The following DSG2 variants were observed in gnomAD, a reference collection of about 807,000 sequenced individuals.
DSG2 encodes desmoglein 2, also known as desmoglein-2.
DSG2 carries 45 observed loss-of-function variants against 75.6 expected under a neutral mutation model. The ratio of observed to expected loss-of-function variants is 0.60; its 90% CI spans 0.47 to 0.76. The LOEUF (loss-of-function observed/expected upper bound fraction) is 0.76, where lower values mean the gene tolerates loss of function less well. Ranked by LOEUF, DSG2 falls within the 30% of genes least tolerant of loss-of-function variation. The pLI, the probability that DSG2 is intolerant of heterozygous loss-of-function variation, is 0.00. For missense variants in DSG2, 1,267 were observed against 1,357.4 expected, an observed-to-expected ratio of 0.93 and a Z score of 1.05; for synonymous variants, 429 against 483.9, an observed-to-expected ratio of 0.89 and a Z score of 1.49.
Position 31,542,869 on chromosome 18 carries a change from T to G in DSG2, c.2334+17T>G. 1.5e-6 allele frequency: 2 copies of G among 1,294,928 alleles called. No individual in the cohort carries two copies. The highest frequency in any genetic ancestry group is 2.1e-6 in the Non-Finnish European group (2 of 968,438). The allele number at this position is 1,294,928 out of a possible 1,614,324, so 80.2% of individuals were successfully genotyped here. On this transcript the variant is annotated intron_variant, in intron 14 of 14. Coordinates refer to ENST00000261590, the MANE Select transcript of DSG2 (RefSeq NM_001943.5). Reference sequence around the variant, plus strand: ...TTCACTGATGTAAGGATGAGTTTTATGTATTGGTGGTGGGGGGTGGGGGGA... The same window carrying G: ...TTCACTGATGTAAGGATGAGTTTTAGGTATTGGTGGTGGGGGGTGGGGGGA...
rs868680639 is a variant in DSG2, at chr18:31,513,088, T to G, written c.46-5151T>G. Among the ~76,000 whole-genome samples the G allele has an allele frequency of 8.5e-5, 13 of 152,322 alleles. 1 individual carries two copies. Among genetic ancestry groups the G allele is most frequent in the Middle Eastern group, 6.8e-3 (2 of 294 alleles). On this transcript the variant is annotated intron_variant, in intron 1 of 14. Coordinates refer to ENST00000261590, the MANE Select transcript of DSG2 (RefSeq NM_001943.5). Reference sequence around the variant, plus strand: ...TTGCACATCAGCCCTGCAAAATGGATGTATCCTAGTTAGGTGGCTTTCAGA... The same window carrying G: ...TTGCACATCAGCCCTGCAAAATGGAGGTATCCTAGTTAGGTGGCTTTCAGA...
intron 3 of DSG2, 33 bp from the exon 4 acceptor site, chr18:31,520,769 TC>T: frequency 6.2e-7 from 1 of 1,609,940 alleles, no homozygotes; most frequent in Non-Finnish European, 8.5e-7. Context: ...TACAGAGAGT[TC>T]AACCTGAAAC....
chr18:31,539,890 G>T (rs937800005), intron 12 of DSG2, among the ~76,000 whole-genome samples: 12 of 152,148 alleles, frequency 7.9e-5, no homozygotes, highest in African/African-American at 2.9e-4. Context: ...TGTTAGACCA[G>T]TGCTGGCATT....
At position 31,498,297 on chromosome 18, in the gene DSG2, G is replaced by GT; in HGVS notation, c.45+2dup. The GT allele has an allele frequency of 7.9e-7, 1 of 1,264,172 alleles. No homozygotes were observed. Among genetic ancestry groups the GT allele is most frequent in the Non-Finnish European group, 1.0e-6 (1 of 999,026 alleles). The allele number at this position is 1,264,172 out of a possible 1,614,324, so 78.3% of individuals were successfully genotyped here. A position where few individuals can be genotyped will look rare whatever the true frequency, so the allele number is the denominator to read the frequency against. ...CGCGTACGCCCTGCTGCTTCTCCTG[G>GT]TAAGTGCCGCAAGCGGGACAGGGGA... On this transcript the variant is annotated splice_donor_variant, in intron 1 of 14. Transcript: ENST00000261590. LOFTEE classifies it high-confidence loss of function.
At position 31,542,861 on chromosome 18, in the gene DSG2, G is replaced by A. The variant is rs776516070; in HGVS notation, c.2334+9G>A. 45 of 1,123,480 alleles carry A rather than the reference G, an allele frequency of 4.0e-5. No individual in the cohort carries two copies. The Admixed American group carries it at 1.1e-3, about 27-fold the overall frequency. The allele number at this position is 1,123,480 out of a possible 1,614,324, so 69.6% of individuals were successfully genotyped here. On this transcript the variant is annotated intron_variant, in intron 14 of 14. Coordinates refer to ENST00000261590, the MANE Select transcript of DSG2 (RefSeq NM_001943.5). ...GAAATTATTTCACTGATGTAAGGAT[G>A]AGTTTTATGTATTGGTGGTGGGGGG...
chr18:31,544,202 A>T (rs559163358), intron 14 of DSG2, among the ~76,000 whole-genome samples: 70 of 152,308 alleles, frequency 4.6e-4, no homozygotes, highest in African/African-American at 1.7e-3. Flanking sequence ...ACTCTATGCA[A>T]CAGAAGCAGA....
intron 14 of DSG2, among the ~76,000 whole-genome samples, chr18:31,543,749 C>T (rs1226105482): frequency 6.6e-6 from 1 of 151,726 alleles, no homozygotes; most frequent in Non-Finnish European, 1.5e-5. Flanking sequence ...ACCTGTAGTC[C>T]CAGCTACTCA....
intron 8 of DSG2, among the ~76,000 whole-genome samples, chr18:31,530,765 A>C (rs935014036): frequency 2.0e-5 from 3 of 152,120 alleles, no homozygotes; most frequent in African/African-American, 7.2e-5. Context: ...TAGGAAAATA[A>C]ATTGGTAATA....
chr18:31,501,502 T>A (rs1162446291), intron 1 of DSG2, among the ~76,000 whole-genome samples: 2 of 152,226 alleles, frequency 1.3e-5, no homozygotes, highest in Non-Finnish European at 2.9e-5. Flanking sequence ...AAAATCAAGA[T>A]ATGGGCAGGG....
At chr18:31,523,173 G>A (rs1268578302) in intron 6 of DSG2, among the ~76,000 whole-genome samples, 1 of 151,972 alleles carries the variant, frequency 6.6e-6, no homozygotes, top group Non-Finnish European at 1.5e-5. Context: ...AGGCTGAGGC[G>A]GGCAGATCAC....
At chr18:31,505,272 G>C (rs990989800) in intron 1 of DSG2, among the ~76,000 whole-genome samples, 3 of 152,148 alleles carry the variant, frequency 2.0e-5, no homozygotes. Context: ...CCTTCCTCCT[G>C]TATGCACAGA....
At chr18:31,523,359 C>G (rs2073141207) in intron 6 of DSG2, among the ~76,000 whole-genome samples, 1 of 152,092 alleles carries the variant, frequency 6.6e-6, no homozygotes, top group African/African-American at 2.4e-5. Context: ...TGAGATCGCG[C>G]CACTGCACTC....
intron 1 of DSG2, among the ~76,000 whole-genome samples, chr18:31,514,751 G>A (rs1428407413): frequency 6.6e-6 from 1 of 152,162 alleles, no homozygotes; most frequent in Non-Finnish European, 1.5e-5. Context: ...ACACATTAAA[G>A]TTTAAGAAGC....
intron 1 of DSG2, among the ~76,000 whole-genome samples, chr18:31,515,342 T>C (rs923593628): frequency 1.3e-5 from 2 of 152,094 alleles, no homozygotes; most frequent in African/African-American, 4.8e-5. Flanking sequence ...TCAGACCTCA[T>C]GATCCGCCTG....
In DSG2 at chr18:31,542,693, T is replaced by C. The variant is rs2073276491; in HGVS notation, c.2175T>C (p.Leu725=). 6.2e-7 allele frequency: 1 copy of C among 1,614,056 alleles called. No homozygotes were observed. The highest frequency in any genetic ancestry group is 8.5e-7 in the Non-Finnish European group (1 of 1,180,036). Residue 725 remains leucine (L), a synonymous_variant, in exon 14 of 15, where the codon CTT becomes CTC. Transcript: ENST00000261590. ...DGRWEEHRSL[L]SGRATQFTGA... is the part of the protein sequence containing the mutation. ...GGTGGGAAGAACACAGAAGCCTGCT[T>C]TCTGGTAGAGCTACCCAGTTTACAG...
At chr18:31,510,970 G>T (rs1012352231) in intron 1 of DSG2, among the ~76,000 whole-genome samples, 9 of 152,198 alleles carry the variant, frequency 5.9e-5, no homozygotes, top group African/African-American at 1.7e-4. Context: ...CCCACAGGAG[G>T]TGACTCAAAC....
At chr18:31,523,024 G>A (rs992922752) in intron 6 of DSG2, among the ~76,000 whole-genome samples, 13 of 152,180 alleles carry the variant, frequency 8.5e-5, no homozygotes, top group African/African-American at 2.9e-4. Context: ...CAGCGTACAA[G>A]AGTAAAATGT....
intron 1 of DSG2, among the ~76,000 whole-genome samples, chr18:31,498,765 C>G (rs2072998320): frequency 6.6e-6 from 1 of 152,050 alleles, no homozygotes; most frequent in Non-Finnish European, 1.5e-5. Context: ...ACTGGGGAAA[C>G]CAGGAACATA....
chr18:31,524,008 C>T (rs143309144), intron 6 of DSG2, among the ~76,000 whole-genome samples: 240 of 152,316 alleles, frequency 1.6e-3, no homozygotes, highest in African/African-American at 5.5e-3. Flanking sequence ...AGGACACATA[C>T]TATAAGAATC....
Sources: gnomAD v4.1 joint callset for allele counts (sites outside exome capture counted in the v4.1 genomes callset) on GRCh38, gnomAD v4.1.1 for gene constraint, MANE v1.5 for transcripts, NCBI Gene and HGNC (gene_info 2026-07-23, HGNC 2026-07-21) for gene names.